The following GNAT2 variants were observed in gnomAD, a reference collection of about 807,000 sequenced individuals.
The protein encoded by GNAT2 is G protein subunit alpha transducin 2.
A neutral mutation model predicts 40.9 loss-of-function variants in GNAT2; 32 were observed. The observed-to-expected ratio is 0.78, with a 90% CI of 0.59 to 1.05. The LOEUF (loss-of-function observed/expected upper bound fraction) is 1.05, where lower values mean the gene tolerates loss of function less well. GNAT2 is among the 50% of genes least tolerant of loss of function. The pLI, the probability that GNAT2 is intolerant of heterozygous loss-of-function variation, is 0.00. For synonymous variants in GNAT2, 141 were observed against 157.2 expected, an observed-to-expected ratio of 0.90 and a Z score of 0.77; for missense variants, 355 against 431.5, an observed-to-expected ratio of 0.82 and a Z score of 1.57.
At chr1:109,604,319 T>C (rs1649528609) in intron 7 of GNAT2, 1 of 574,680 alleles carries the variant, frequency 1.7e-6, no homozygotes, top group African/African-American at 1.9e-5. Flanking sequence ...GGAAAATTAT[T>C]GAGCTTTTTC....
At chr1:109,609,557 G>A (rs761677237) in intron 4 of GNAT2, 3 of 228,962 alleles carry the variant, frequency 1.3e-5, no homozygotes, top group Non-Finnish European at 2.6e-5. Context: ...ACTTAAGCCT[G>A]GGAGGGTGAG....
chr1:109,612,694 C>A (rs1486008806), intron 2 of GNAT2, 59 bp downstream of exon 2: 1 of 1,043,968 alleles, frequency 9.6e-7, no homozygotes, highest in Non-Finnish European at 1.5e-6. Flanking sequence ...ACCCACCAAC[C>A]CTTCAGGAAA....
intron 4 of GNAT2, 65 bp downstream of exon 4, chr1:109,609,968 TTGGCCTC>T: frequency 2.1e-6 from 3 of 1,441,168 alleles, no homozygotes; most frequent in Non-Finnish European, 2.9e-6. Flanking sequence ...ATATAGTTTG[TTGGCCTC>T]TGGTATGTTT....
chr1:109,609,591 C>A (rs958181587), intron 4 of GNAT2: 2 of 288,076 alleles, frequency 6.9e-6, no homozygotes, highest in South Asian at 3.4e-5. Flanking sequence ...ATGATCACAC[C>A]ACTGCATTCC....
At chr1:109,604,354 G>A (rs988487324) in intron 7 of GNAT2, 4 of 510,890 alleles carry the variant, frequency 7.8e-6, no homozygotes, top group Non-Finnish European at 1.4e-5. Flanking sequence ...TATCTTATAG[G>A]GTTACAATGA....
At chr1:109,604,190 C>G in intron 7 of GNAT2, 86 bp from the exon 8 acceptor site, 1 of 1,029,444 alleles carries the variant, frequency 9.7e-7, no homozygotes, top group Middle Eastern at 2.6e-4. Flanking sequence ...CTTGGAGAGA[C>G]CAGTGCTCCA....
chr1:109,611,204 C>G (rs1460291617), intron 2 of GNAT2: 1 of 147,930 alleles, frequency 6.8e-6, no homozygotes, highest in Non-Finnish European at 1.4e-5. Context: ...TTGAGACAGT[C>G]TTGCTCTGTC....
At chr1:109,610,260 A>C in intron 3 of GNAT2, 79 bp from the exon 4 acceptor site, 1 of 1,476,736 alleles carries the variant, frequency 6.8e-7, no homozygotes, top group Non-Finnish European at 9.5e-7. Flanking sequence ...GGGTATTTAA[A>C]GGATCATAAG....
In GNAT2 at chr1:109,606,388, A is replaced by C. The variant is rs768651686; in HGVS notation, c.510T>G (p.Ser170Arg). Reference protein sequence around the residue: ...ERITDPEYLPSEQDVLRSRVK... With the variant: ...ERITDPEYLPREQDVLRSRVK... ...CTCTGGATCGGAGCACATCTTGCTC[A>C]CTAGGGAGGTACTCAGGGTCTGTAA... Residue 170 changes from serine (S) to arginine (R), a missense_variant, in exon 6 of 9, where the codon AGT becomes AGG. By Grantham distance (110) the Ser-to-Arg change is moderately radical. Coordinates refer to ENST00000679935, the MANE Select transcript of GNAT2 (RefSeq NM_001377295.2). 2 of 1,610,970 alleles carry C rather than the reference A, an allele frequency of 1.2e-6. No homozygotes were observed. Among genetic ancestry groups the C allele is most frequent in the Non-Finnish European group, 1.7e-6 (2 of 1,177,134 alleles).
At chr1:109,612,427 A>G in intron 2 of GNAT2, 1 of 372,812 alleles carries the variant, frequency 2.7e-6, no homozygotes, top group Non-Finnish European at 5.2e-6. Context: ...ACAGTCTGCA[A>G]GTCCAGGGTC....
Position 109,608,801 on chromosome 1 carries a change from A to C in GNAT2, c.304-13T>G. On this transcript the variant is annotated splice_polypyrimidine_tract_variant and intron_variant, in intron 4 of 8. Coordinates refer to ENST00000679935, the MANE Select transcript of GNAT2 (RefSeq NM_001377295.2). Reference sequence around the variant, plus strand: ...GTCGCCCGTCATCCTGTAATGCAGAAACCTGGTTAAGAACTTCACAGGAGT... The same window carrying C: ...GTCGCCCGTCATCCTGTAATGCAGACACCTGGTTAAGAACTTCACAGGAGT... The C allele has an allele frequency of 6.2e-7, 1 of 1,612,040 alleles. No individual in the cohort carries two copies. The highest frequency in any genetic ancestry group is 8.5e-7 in the Non-Finnish European group (1 of 1,178,080).
chr1:109,603,424 A>T lies in GNAT2; in HGVS notation c.995T>A (p.Val332Asp). 4 of 1,602,194 alleles carry T rather than the reference A, an allele frequency of 2.5e-6. No homozygotes were observed. The highest frequency in any genetic ancestry group is 3.4e-6 in the Non-Finnish European group (4 of 1,169,132). ...TGTAACTGCATCAAACACAAATTTGACATTCTGTGTATCTGTAGCACAGGT... is the reference window on the plus strand; with the variant it reads ...TGTAACTGCATCAAACACAAATTTGTCATTCTGTGTATCTGTAGCACAGGT... Reference protein sequence around the residue: ...HMTCATDTQNVKFVFDAVTDI... With the variant: ...HMTCATDTQNDKFVFDAVTDI... The change falls in exon 9 of 9, where the codon GTC becomes GAC. Residue 332 changes from valine (V) to aspartate (D), a missense_variant. By Grantham distance (152) the Val-to-Asp change is radical. Transcript: ENST00000679935.
At chr1:109,610,690 A>T in intron 2 of GNAT2, 183 bp from the exon 3 acceptor site, 1 of 669,678 alleles carries the variant, frequency 1.5e-6, no homozygotes, top group Non-Finnish European at 2.7e-6. Flanking sequence ...CTGGATTTAG[A>T]GCAGTTTCTT....
At chr1:109,619,286 T>C (rs1448306571) in intron 1 of GNAT2, among the ~76,000 whole-genome samples, 197 bp downstream of exon 1, 1 of 152,184 alleles carries the variant, frequency 6.6e-6, no homozygotes, top group East Asian at 1.9e-4. Flanking sequence ...TTAACCACCA[T>C]ATAAAGCAGG....
chr1:109,615,630 G>GAA (rs1649933825), intron 1 of GNAT2: 1 of 152,862 alleles, frequency 6.5e-6, no homozygotes, highest in South Asian at 1.7e-4. Flanking sequence ...AAAAAGAAAA[G>GAA]AAAAGAAAAG....
chr1:109,617,641 G>T (rs553529643), intron 1 of GNAT2: 1 of 152,338 alleles, frequency 6.6e-6, no homozygotes, highest in Non-Finnish European at 1.5e-5. Context: ...ATAGGGGAGG[G>T]TTGTAGAGTG....
rs192417676 is a variant in GNAT2 at position 109,609,888 on chromosome 1, A to G, written c.303+152T>C. 676 of 779,378 alleles carry G rather than the reference A, an allele frequency of 8.7e-4. 1 individual carries two copies. The Admixed American group carries it at 9.4e-3, about 11-fold the overall frequency. The allele number at this position is 779,378 out of a possible 1,614,324, so 48.3% of individuals were successfully genotyped here. A position where few individuals can be genotyped will look rare whatever the true frequency, so the allele number is the denominator to read the frequency against. On this transcript the variant is annotated intron_variant, in intron 4 of 8. Transcript: ENST00000679935. Reference sequence around the variant, plus strand: ...TAAAGGGCCTTGAGATGGTATACACAGTACACCTAGCAGTGAGATCCCACC... The same window carrying G: ...TAAAGGGCCTTGAGATGGTATACACGGTACACCTAGCAGTGAGATCCCACC...
At chr1:109,606,131 T>C in intron 6 of GNAT2, 32 bp from the exon 7 acceptor site, 1 of 1,613,414 alleles carries the variant, frequency 6.2e-7, no homozygotes, top group Non-Finnish European at 8.5e-7. Flanking sequence ...TTCATAGGTA[T>C]GCCCAACATA....
At chr1:109,609,022 G>T in intron 4 of GNAT2, 1 of 561,398 alleles carries the variant, frequency 1.8e-6, no homozygotes. Flanking sequence ...CGGGGCAGGG[G>T]TCCCAGGTAT....
Sources: gnomAD v4.1 joint callset for allele counts (sites outside exome capture counted in the v4.1 genomes callset) on GRCh38, gnomAD v4.1.1 for gene constraint, MANE v1.5 for transcripts, NCBI Gene and HGNC (gene_info 2026-07-23, HGNC 2026-07-21) for gene names.